The following CDH9 variants were observed in gnomAD, a reference collection of about 807,000 sequenced individuals.
CDH9 encodes the protein cadherin 9, also known as cadherin-9.
Under a neutral mutation model 70.9 loss-of-function variants are expected in CDH9, and 28 were observed. The observed-to-expected ratio is 0.40, with a 90% CI of 0.29 to 0.54. The LOEUF is 0.54. CDH9 is among the 20% of genes least tolerant of loss of function. The pLI is 0.59. For missense variants in CDH9, 874 were observed against 984.4 expected, an observed-to-expected ratio of 0.89 and a Z score of 1.50; for synonymous variants, 409 against 343.1, an observed-to-expected ratio of 1.19 and a Z score of -2.12.
chr5:27,004,532 G>T (rs1579507588), intron 1 of CDH9, among the ~76,000 whole-genome samples: 1 of 152,196 alleles, frequency 6.6e-6, no homozygotes, highest in South Asian at 2.1e-4. Context: ...AGGAGGAAGA[G>T]AAAATAATGA....
chr5:27,028,373 G>A (rs1445175555), intron 1 of CDH9: 2 of 148,110 alleles, frequency 1.4e-5, no homozygotes, highest in African/African-American at 5.1e-5. Flanking sequence ...AATGAGACCT[G>A]TCTCAAAAAA....
At chr5:27,002,519 C>T (rs903777133) in intron 1 of CDH9, among the ~76,000 whole-genome samples, 8 of 152,218 alleles carry the variant, frequency 5.3e-5, no homozygotes, top group African/African-American at 1.9e-4. Context: ...TGGAACCAAC[C>T]CAAATGTCCA....
intron 2 of CDH9, among the ~76,000 whole-genome samples, chr5:26,933,816 T>C (rs1322355627): frequency 6.7e-6 from 1 of 149,902 alleles, no homozygotes; most frequent in Non-Finnish European, 1.5e-5. Context: ...TAAAACAAAA[T>C]AATAAGAAAA....
At chr5:26,914,160 A>G (rs1490943787) in intron 3 of CDH9, among the ~76,000 whole-genome samples, 1 of 151,976 alleles carries the variant, frequency 6.6e-6, no homozygotes, top group Non-Finnish European at 1.5e-5. Context: ...TTTCTGGGGA[A>G]GGATAAGTGA....
intron 7 of CDH9, among the ~76,000 whole-genome samples, chr5:26,895,708 G>A (rs1427615108): frequency 6.6e-6 from 1 of 152,028 alleles, no homozygotes; most frequent in Non-Finnish European, 1.5e-5. Context: ...ATCTCATGTT[G>A]CAAGTGGCAG....
chr5:27,027,930 ACTCT>A (rs1310266292), intron 1 of CDH9, among the ~76,000 whole-genome samples: 1 of 152,032 alleles, frequency 6.6e-6, no homozygotes, highest in African/African-American at 2.4e-5. Flanking sequence ...GGGATATGAA[ACTCT>A]CTATGGATAA....
intron 2 of CDH9, among the ~76,000 whole-genome samples, chr5:26,954,149 C>A (rs965886712): frequency 1.1e-4 from 17 of 151,912 alleles, no homozygotes; most frequent in African/African-American, 4.1e-4. Flanking sequence ...TAATTTGGTA[C>A]AACTTCTTTA....
chr5:26,937,811 C>T (rs1043561595), intron 2 of CDH9, among the ~76,000 whole-genome samples: 1 of 151,916 alleles, frequency 6.6e-6, no homozygotes, highest in African/African-American at 2.4e-5. Flanking sequence ...TTGCCAGGAC[C>T]TCAGGAGGAG....
intron 1 of CDH9, among the ~76,000 whole-genome samples, chr5:27,003,814 A>G (rs905450129): frequency 6.6e-6 from 1 of 152,060 alleles, no homozygotes; most frequent in African/African-American, 2.4e-5. Context: ...AGAAGAAAAA[A>G]CATAGGAGGT....
chr5:26,958,817 G>T (rs1270892906), intron 2 of CDH9, among the ~76,000 whole-genome samples: 4 of 151,914 alleles, frequency 2.6e-5, no homozygotes, highest in African/African-American at 4.8e-5. Flanking sequence ...AGAATGACTG[G>T]ACAAAAATAA....
intron 2 of CDH9, among the ~76,000 whole-genome samples, chr5:26,958,455 A>G (rs927819065): frequency 6.6e-6 from 1 of 152,232 alleles, no homozygotes; most frequent in Non-Finnish European, 1.5e-5. Flanking sequence ...CTCCTGAGAT[A>G]AAGTCTGTCA....
At chr5:26,927,665 G>T (rs546276341) in intron 2 of CDH9, among the ~76,000 whole-genome samples, 1 of 151,994 alleles carries the variant, frequency 6.6e-6, no homozygotes, top group Non-Finnish European at 1.5e-5. Flanking sequence ...TTCTGTGAAA[G>T]TTAGTTCTTA....
At chr5:26,999,782 T>G (rs1742731953) in intron 1 of CDH9, among the ~76,000 whole-genome samples, 1 of 152,172 alleles carries the variant, frequency 6.6e-6, no homozygotes, top group African/African-American at 2.4e-5. Flanking sequence ...TTTATTTTTT[T>G]CCAACTGTAT....
At chr5:27,036,514 T>C (rs1743394671) in intron 1 of CDH9, among the ~76,000 whole-genome samples, 1 of 151,938 alleles carries the variant, frequency 6.6e-6, no homozygotes, top group Admixed American at 6.6e-5. Context: ...TTTCAAATAT[T>C]TTAAAACTAT....
intron 5 of CDH9, 112 bp from the exon 6 acceptor site, chr5:26,903,936 A>G (rs1740902316): frequency 6.7e-6 from 4 of 600,612 alleles, no homozygotes; most frequent in Non-Finnish European, 1.1e-5. Context: ...AGTTTTTATC[A>G]TATTGAATTG....
chr5:27,020,936 CTG>C (rs1561043424), intron 1 of CDH9, among the ~76,000 whole-genome samples: 2 of 151,830 alleles, frequency 1.3e-5, no homozygotes, highest in African/African-American at 4.8e-5. Context: ...TATTTAAACA[CTG>C]TTATCAAAAT....
intron 2 of CDH9, among the ~76,000 whole-genome samples, chr5:26,985,772 G>C (rs1435706316): frequency 6.6e-6 from 1 of 152,060 alleles, no homozygotes; most frequent in African/African-American, 2.4e-5. Flanking sequence ...GGAAGACTAG[G>C]TTGAGGTCTA....
At chr5:26,907,621 A>G (rs1740972864) in intron 3 of CDH9, among the ~76,000 whole-genome samples, 1 of 152,104 alleles carries the variant, frequency 6.6e-6, no homozygotes, top group African/African-American at 2.4e-5. Flanking sequence ...TTCAAAACAT[A>G]AAAGTGCTTT....
intron 1 of CDH9, among the ~76,000 whole-genome samples, chr5:27,004,314 T>C (rs149631504): frequency 3.9e-5 from 6 of 152,088 alleles, no homozygotes; most frequent in Admixed American, 2.0e-4. Flanking sequence ...GGAACAAAAG[T>C]GCCCCTACAG....
Sources: gnomAD v4.1 joint callset for allele counts (sites outside exome capture counted in the v4.1 genomes callset) on GRCh38, gnomAD v4.1.1 for gene constraint, MANE v1.5 for transcripts, NCBI Gene and HGNC (gene_info 2026-07-23, HGNC 2026-07-21) for gene names.